The following LRRC1 variants were observed in gnomAD, a reference collection of about 807,000 sequenced individuals.
LRRC1 encodes leucine-rich repeat-containing protein 1.
LRRC1 carries 28 observed loss-of-function variants against 69.9 expected under a neutral mutation model. The observed-to-expected ratio is 0.40, with a 90% CI of 0.30 to 0.55. LRRC1 has a LOEUF of 0.55. Among genes scored for constraint, LRRC1 ranks in the 20% least tolerant of loss-of-function variants. The pLI, the probability that LRRC1 is intolerant of heterozygous loss-of-function variation, is 0.47. For synonymous variants in LRRC1, 236 were observed against 240.2 expected (o/e 0.98, Z 0.16); for missense variants, 498 against 609.0 (o/e 0.82, Z 1.92).
chr6:53,834,656 T>TA (rs1161733801), intron 1 of LRRC1, among the ~76,000 whole-genome samples: 7 of 152,056 alleles, frequency 4.6e-5, no homozygotes, highest in East Asian at 3.9e-4. Flanking sequence ...TAACTAGAGA[T>TA]AAAAAAAACT....
chr6:53,914,430 A>G (rs1455166986), intron 11 of LRRC1, among the ~76,000 whole-genome samples: 1 of 152,208 alleles, frequency 6.6e-6, no homozygotes, highest in East Asian at 1.9e-4. Context: ...CCCTGAAAAT[A>G]CAAACAGAAT....
At chr6:53,887,189 T>TA (rs1022720787) in intron 4 of LRRC1, among the ~76,000 whole-genome samples, 158 of 151,198 alleles carry the variant, frequency 1.0e-3, no homozygotes, top group African/African-American at 3.5e-3. Context: ...AAGCAACTAT[T>TA]AAAAAAAAAC....
chr6:53,899,697 C>T (rs916106953), intron 7 of LRRC1, 50 bp from the exon 8 acceptor site: 1 of 1,580,956 alleles, frequency 6.3e-7, no homozygotes, highest in Non-Finnish European at 8.7e-7. Flanking sequence ...AATGCCTCTG[C>T]ACTGTGGCAG....
chr6:53,863,839 A>G (rs1303834379), intron 2 of LRRC1, among the ~76,000 whole-genome samples: 1 of 152,216 alleles, frequency 6.6e-6, no homozygotes, highest in Non-Finnish European at 1.5e-5. Flanking sequence ...CAAAGATTTC[A>G]ACCCACTAGT....
intron 2 of LRRC1, among the ~76,000 whole-genome samples, chr6:53,867,713 A>G (rs1766747346): frequency 6.6e-6 from 1 of 152,032 alleles, no homozygotes; most frequent in Admixed American, 6.6e-5. Flanking sequence ...CAAACACTTT[A>G]GGAGGCTTAG....
intron 2 of LRRC1, among the ~76,000 whole-genome samples, chr6:53,852,928 A>G (rs1183702624): frequency 6.6e-6 from 1 of 152,198 alleles, no homozygotes; most frequent in Non-Finnish European, 1.5e-5. Context: ...AGAGAAATGT[A>G]TTGCTCACAG....
intron 13 of LRRC1, among the ~76,000 whole-genome samples, chr6:53,921,085 A>T (rs1457603324): frequency 6.6e-6 from 1 of 151,910 alleles, no homozygotes; most frequent in East Asian, 1.9e-4. Flanking sequence ...CCCCGACCTC[A>T]GCCTCTCAAG....
intron 1 of LRRC1, among the ~76,000 whole-genome samples, chr6:53,812,279 A>G (rs1349162014): frequency 6.6e-6 from 1 of 152,198 alleles, no homozygotes; most frequent in East Asian, 1.9e-4. Flanking sequence ...ATATTTAGAA[A>G]GCAAACCAGG....
rs1767043573 is a variant in LRRC1, at chr6:53,875,719, A to G, written c.278-3274A>G. Among the ~76,000 whole-genome samples the G allele has an allele frequency of 3.3e-5, 5 of 152,208 alleles. No homozygotes were observed. The South Asian group carries it at 1.0e-3, about 32-fold the overall frequency. Reference sequence around the variant, plus strand: ...TGCCATCAGTGCTTTTGATAGAGTGATGGGACTTGATGGTGGTAGTGGCGG... The same window carrying G: ...TGCCATCAGTGCTTTTGATAGAGTGGTGGGACTTGATGGTGGTAGTGGCGG... On this transcript the variant is annotated intron_variant, in intron 2 of 13. Transcript: ENST00000370888.
chr6:53,800,954 T>A (rs1054771955), intron 1 of LRRC1, among the ~76,000 whole-genome samples: 9 of 152,332 alleles, frequency 5.9e-5, no homozygotes, highest in Admixed American at 2.6e-4. Flanking sequence ...ATACATTTTT[T>A]AAAAAAATCA....
At chr6:53,827,097 T>A (rs185997934) in intron 1 of LRRC1, among the ~76,000 whole-genome samples, 163 of 152,302 alleles carry the variant, frequency 1.1e-3, no homozygotes, top group African/African-American at 3.8e-3. Context: ...GCCTGGAGAT[T>A]ATGCACTAAG....
At chr6:53,867,358 G>A (rs1230976609) in intron 2 of LRRC1, among the ~76,000 whole-genome samples, 1 of 152,010 alleles carries the variant, frequency 6.6e-6, no homozygotes, top group Non-Finnish European at 1.5e-5. Context: ...ATTGGTCTAT[G>A]CCTGGGCCGA....
At chr6:53,798,094 A>G (rs1764355159) in intron 1 of LRRC1, among the ~76,000 whole-genome samples, 1 of 152,246 alleles carries the variant, frequency 6.6e-6, no homozygotes, top group South Asian at 2.1e-4. Context: ...GAAGCAGATG[A>G]TTTTAATCCA....
chr6:53,909,408 TA>T (rs1768340896), intron 10 of LRRC1, among the ~76,000 whole-genome samples: 1 of 152,210 alleles, frequency 6.6e-6, no homozygotes, highest in African/African-American at 2.4e-5. Flanking sequence ...ATGTGGTCCA[TA>T]AAAGTCCTCT....
chr6:53,920,825 A>C (rs1562076550), intron 13 of LRRC1, 64 bp downstream of exon 13: 1 of 1,550,758 alleles, frequency 6.4e-7, no homozygotes, highest in East Asian at 2.3e-5. Context: ...AATGGCACCT[A>C]ATAAGGATAT....
intron 1 of LRRC1, among the ~76,000 whole-genome samples, chr6:53,795,806 C>A (rs1764281593): frequency 6.6e-6 from 1 of 152,214 alleles, no homozygotes; most frequent in African/African-American, 2.4e-5. Context: ...CTCCACTCCC[C>A]GGGGTCGTTC....
intron 1 of LRRC1, among the ~76,000 whole-genome samples, chr6:53,839,059 T>C (rs1765690581): frequency 1.3e-5 from 2 of 152,086 alleles, no homozygotes; most frequent in African/African-American, 4.8e-5. Context: ...AGTTCTGTGG[T>C]CTTTATAATA....
chr6:53,867,297 G>A (rs1766733068), intron 2 of LRRC1, among the ~76,000 whole-genome samples: 1 of 152,104 alleles, frequency 6.6e-6, no homozygotes, highest in Non-Finnish European at 1.5e-5. Flanking sequence ...TTTATGATCA[G>A]GGTGGTAAAG....
At chr6:53,861,445 T>TG (rs1766515767) in intron 2 of LRRC1, among the ~76,000 whole-genome samples, 1 of 150,588 alleles carries the variant, frequency 6.6e-6, no homozygotes, top group Non-Finnish European at 1.5e-5. Flanking sequence ...CCAAGAGTGC[T>TG]GGGTTAAAGT....
Sources: gnomAD v4.1 joint callset for allele counts (sites outside exome capture counted in the v4.1 genomes callset) on GRCh38, gnomAD v4.1.1 for gene constraint, MANE v1.5 for transcripts, NCBI Gene and HGNC (gene_info 2026-07-23, HGNC 2026-07-21) for gene names.